Variants in NELL1 observed in about 807,000 individuals in gnomAD.
The protein encoded by NELL1 is neural EGFL like 1, also known as protein kinase C-binding protein NELL1.
Under a neutral mutation model 107.4 loss-of-function variants are expected in NELL1, and 76 were observed. That is an observed-to-expected ratio of 0.71 (90% confidence interval 0.59 to 0.86). The LOEUF is 0.86. NELL1 is among the 40% of genes least tolerant of loss of function. The pLI is 0.00. For synonymous variants in NELL1, 353 were observed against 341.2 expected, an observed-to-expected ratio of 1.03 and a Z score of -0.38; for missense variants, 1,024 against 1,005.5, an observed-to-expected ratio of 1.02 and a Z score of -0.25.
chr11:21,330,853 A>G (rs1186808710), intron 14 of NELL1, among the ~76,000 whole-genome samples: 1 of 151,986 alleles, frequency 6.6e-6, no homozygotes, highest in Non-Finnish European at 1.5e-5. Flanking sequence ...AATTTTGCAT[A>G]TATTGGTACA....
rs1850758008 is a variant in NELL1 at position 20,937,792 on chromosome 11, G to A, written c.1004G>A (p.Cys335Tyr). ...TTTTTATGTTTTATTACAGCAAAAT[G>A]TATCTATGGAGGAAAAGTTCTTGCA... ...GQCCKVCRPK[C>Y]IYGGKVLAEG... The change falls in exon 10 of 20, where the codon TGT (cysteine) becomes TAT (tyrosine). Residue 335 changes from cysteine to tyrosine, a missense_variant. By Grantham distance (194) the Cys-to-Tyr change is radical (BLOSUM62 -2). Transcript: ENST00000357134. 5 of 1,613,940 alleles carry A rather than the reference G, an allele frequency of 3.1e-6. No individual in the cohort carries two copies. The highest frequency in any genetic ancestry group is 1.1e-5 in the South Asian group (1 of 91,080).
chr11:21,262,828 T>C (rs565222188), intron 14 of NELL1, among the ~76,000 whole-genome samples: 2 of 152,060 alleles, frequency 1.3e-5, no homozygotes, highest in South Asian at 4.1e-4. Context: ...ATATCTTTGG[T>C]GACTTCTCCT....
At chr11:21,538,395 A>G (rs1856196128) in intron 16 of NELL1, among the ~76,000 whole-genome samples, 1 of 152,164 alleles carries the variant, frequency 6.6e-6, no homozygotes, top group Non-Finnish European at 1.5e-5. Flanking sequence ...TTTTTCTCTT[A>G]AAGTGTAACA....
chr11:21,505,842 T>C (rs905182427), intron 15 of NELL1, among the ~76,000 whole-genome samples: 16 of 152,206 alleles, frequency 1.1e-4, no homozygotes, highest in Non-Finnish European at 5.9e-5. Context: ...GTCTCAGTTG[T>C]AGGCCCATGC....
chr11:20,929,102 G>A (rs1360305164), intron 9 of NELL1, among the ~76,000 whole-genome samples: 1 of 152,168 alleles, frequency 6.6e-6, no homozygotes, highest in Non-Finnish European at 1.5e-5. Context: ...AGGGATATTA[G>A]CTTACGAAAA....
intron 15 of NELL1, among the ~76,000 whole-genome samples, chr11:21,372,313 C>T (rs7120820): frequency 0.36 from 54,306 of 151,464 alleles, 10,093 homozygotes; most frequent in Admixed American, 0.52. Flanking sequence ...ATTCTTACTG[C>T]TTCCTGTAGA....
chr11:21,042,341 A>AT, intron 12 of NELL1, among the ~76,000 whole-genome samples: 1 of 152,180 alleles, frequency 6.6e-6, no homozygotes, highest in Admixed American at 6.6e-5. Flanking sequence ...CTGTGGAACC[A>AT]TTTTCAGGGC....
At chr11:21,149,386 G>A (rs908975480) in intron 13 of NELL1, among the ~76,000 whole-genome samples, 1 of 152,232 alleles carries the variant, frequency 6.6e-6, no homozygotes, top group African/African-American at 2.4e-5. Context: ...TGTGGCTGGG[G>A]AGGCCTCACA....
At chr11:21,209,281 T>C in intron 13 of NELL1, among the ~76,000 whole-genome samples, 1 of 148,096 alleles carries the variant, frequency 6.8e-6, no homozygotes, top group Admixed American at 6.7e-5. Context: ...TATACATAAT[T>C]ACTTCTTAAC....
At chr11:20,951,096 G>A (rs1851060234) in intron 11 of NELL1, among the ~76,000 whole-genome samples, 1 of 152,120 alleles carries the variant, frequency 6.6e-6, no homozygotes, top group East Asian at 1.9e-4. Flanking sequence ...ACCTTACCTG[G>A]GGAGGCCTAG....
At chr11:20,676,188 C>T (rs1259068357) in intron 1 of NELL1, among the ~76,000 whole-genome samples, 3 of 152,112 alleles carry the variant, frequency 2.0e-5, no homozygotes, top group Admixed American at 6.5e-5. Flanking sequence ...TCCCATCTTG[C>T]CTTTTCTAGT....
chr11:21,400,658 C>T (rs1290257899), intron 15 of NELL1, among the ~76,000 whole-genome samples: 1 of 151,900 alleles, frequency 6.6e-6, no homozygotes, highest in Non-Finnish European at 1.5e-5. Context: ...TCTGCCCAAG[C>T]CAGACTACAT....
rs756357643 is a variant in NELL1 at position 20,885,519 on chromosome 11, C to G, written c.582C>G (p.Asn194Lys). The G allele has an allele frequency of 6.2e-7, 1 of 1,610,416 alleles. No individual in the cohort carries two copies. The highest frequency in any genetic ancestry group is 8.5e-7 in the Non-Finnish European group (1 of 1,176,666). The change falls in exon 5 of 20, where the codon AAC becomes AAG. Residue 194 changes from asparagine (N) to lysine (K), a missense_variant. Asn to Lys is a moderately conservative substitution (Grantham distance 94). Coordinates refer to ENST00000357134, the MANE Select transcript of NELL1 (RefSeq NM_006157.5). The stretch of plus-strand genomic sequence containing the variant: ...TCAATTTATGGCTTGGCCAGCGCAA[C>G]CAAAAGCATGGCTTATTCAAAGTAA... ...PGINLWLGQRNQKHGLFKGII... is the reference protein window; with the variant it reads ...PGINLWLGQRKQKHGLFKGII...
At chr11:20,760,365 C>T (rs925367811) in intron 2 of NELL1, among the ~76,000 whole-genome samples, 1 of 152,208 alleles carries the variant, frequency 6.6e-6, no homozygotes, top group Non-Finnish European at 1.5e-5. Context: ...CTCTGCTACT[C>T]AGTCTGTGTC....
intron 15 of NELL1, among the ~76,000 whole-genome samples, chr11:21,376,987 T>C (rs1238122558): frequency 2.0e-5 from 3 of 151,976 alleles, no homozygotes; most frequent in African/African-American, 7.2e-5. Context: ...GTATTGTGCA[T>C]GGAGAGAGAC....
intron 2 of NELL1, among the ~76,000 whole-genome samples, chr11:20,750,887 C>T (rs1320258272): frequency 2.0e-5 from 3 of 152,148 alleles, no homozygotes; most frequent in Non-Finnish European, 4.4e-5. Flanking sequence ...CATGCCCAGC[C>T]TGGAATTAAT....
At chr11:21,086,730 T>G (rs1854399785) in intron 12 of NELL1, among the ~76,000 whole-genome samples, 1 of 152,018 alleles carries the variant, frequency 6.6e-6, no homozygotes, top group African/African-American at 2.4e-5. Flanking sequence ...AGTGTGACTT[T>G]CAGATAAAGA....
At chr11:21,519,672 A>G (rs953185896) in intron 15 of NELL1, among the ~76,000 whole-genome samples, 3 of 151,942 alleles carry the variant, frequency 2.0e-5, no homozygotes, top group African/African-American at 4.8e-5. Context: ...CAAAATCTGT[A>G]TGGTGCCTGC....
intron 15 of NELL1, among the ~76,000 whole-genome samples, chr11:21,486,014 C>T (rs1194101539): frequency 6.6e-6 from 1 of 152,098 alleles, no homozygotes; most frequent in Non-Finnish European, 1.5e-5. Flanking sequence ...CCGCCAACAT[C>T]ACCGTGGACC....
Sources: gnomAD v4.1 joint callset for allele counts (sites outside exome capture counted in the v4.1 genomes callset) on GRCh38, gnomAD v4.1.1 for gene constraint, MANE v1.5 for transcripts, NCBI Gene and HGNC (gene_info 2026-07-23, HGNC 2026-07-21) for gene names.